The following ZNF234 variants were observed in gnomAD, a reference collection of about 807,000 sequenced individuals.
ZNF234 encodes C2-H2 type zinc finger protein.
ZNF234 carries 4 observed loss-of-function variants against 10.3 expected under a neutral mutation model. The ratio of observed to expected loss-of-function variants is 0.39; its 90% CI spans 0.19 to 0.89. The LOEUF (loss-of-function observed/expected upper bound fraction) is 0.89. Ranked by LOEUF, ZNF234 falls within the 40% of genes least tolerant of loss-of-function variation. ZNF234 has a pLI of 0.38. For missense variants in ZNF234, 711 were observed against 836.1 expected, an observed-to-expected ratio of 0.85 and a Z score of 1.85; for synonymous variants, 258 against 280.1, an observed-to-expected ratio of 0.92 and a Z score of 0.79.
At chr19:44,151,460 G>A (rs1439650031) in intron 5 of ZNF234, among the ~76,000 whole-genome samples, 1 of 152,164 alleles carries the variant, frequency 6.6e-6, no homozygotes, top group African/African-American at 2.4e-5. Context: ...GCCTCCCAAA[G>A]TGCTGGGATT....
At chr19:44,155,234 A>G (rs909658347) in intron 5 of ZNF234, among the ~76,000 whole-genome samples, 8 of 152,126 alleles carry the variant, frequency 5.3e-5, no homozygotes. Context: ...GATTAAGTGT[A>G]TATGTTATGC....
Position 44,159,877 on chromosome 19 carries a change from C to T in ZNF234, c.*1758C>T, listed in dbSNP as rs1300239386. 5.8e-6 allele frequency: 1 copy of T among 171,020 alleles called. No homozygotes were observed. The highest frequency in any genetic ancestry group is 2.4e-5 in the African/African-American group (1 of 42,186). 10.6% of individuals were successfully genotyped at this position (171,020 alleles called of 1,614,324 possible). ...GGTGAAACCCCATCTCTACTAAATA[C>T]AAAAATTAGCTGGGCATGGTGGCAG... On this transcript the variant is annotated 3_prime_UTR_variant, in exon 6 of 6. Coordinates refer to ENST00000426739, the MANE Select transcript of ZNF234 (RefSeq NM_006630.3).
chr19:44,150,722 TGTAA>T (rs930041839), intron 5 of ZNF234, among the ~76,000 whole-genome samples: 15 of 152,130 alleles, frequency 9.9e-5, no homozygotes, highest in African/African-American at 3.4e-4. Context: ...CCTTTGGAAA[TGTAA>T]GTCAGATTGC....
At position 44,141,722 on chromosome 19, in the gene ZNF234, G is replaced by T; in HGVS notation, c.-142G>T. 6.6e-6 allele frequency: 1 copy of T among 152,634 alleles called. No individual in the cohort carries two copies. Among genetic ancestry groups the T allele is most frequent in the South Asian group, 2.0e-4 (1 of 4,896 alleles). 9.5% of individuals were successfully genotyped at this position (152,634 alleles called of 1,614,324 possible). A position where few individuals can be genotyped will look rare whatever the true frequency, so the allele number is the denominator to read the frequency against. ...CCGGTTATGGGAAAAGAAGCCTCGTGGGAGAGCAGAGGTTTGGTGGGGCGA... is the reference window on the plus strand; with the variant it reads ...CCGGTTATGGGAAAAGAAGCCTCGTTGGAGAGCAGAGGTTTGGTGGGGCGA... On this transcript the variant is annotated 5_prime_UTR_variant, in exon 1 of 6. Transcript: ENST00000426739. This position sits in a 1 kb window ranked among gnomAD's most constrained non-coding sequence, Gnocchi z 4.6.
At chr19:44,142,126 A>G (rs1439895481) in intron 1 of ZNF234, 188 bp from the exon 2 acceptor site, 1 of 152,306 alleles carries the variant, frequency 6.6e-6, no homozygotes, top group African/African-American at 2.4e-5. Flanking sequence ...GTGGGGTCAG[A>G]GCTCCAGCAG....
In ZNF234 at chr19:44,156,264, A is replaced by G. The variant is rs200302391; in HGVS notation, c.248A>G (p.Gln83Arg). ...TCTGTCCTTACAGCAGACAAGATCC[A>G]AAGTGAGGTGGAGACTGTTCCAGAA... Reference protein sequence around the residue: ...QRKGKSADKIQSEVETVPEAG... With the variant: ...QRKGKSADKIRSEVETVPEAG... The change falls in exon 6 of 6, where the codon CAA becomes CGA. Residue 83 changes from glutamine to arginine, a missense_variant. Coordinates refer to ENST00000426739, the MANE Select transcript of ZNF234 (RefSeq NM_006630.3). 2.6e-4 allele frequency: 406 copies of G among 1,550,694 alleles called. No homozygotes were observed. Among genetic ancestry groups the G allele is most frequent in the South Asian group, 6.7e-4 (53 of 78,522 alleles).
chr19:44,152,494 G>A (rs773080545), intron 5 of ZNF234, among the ~76,000 whole-genome samples: 1 of 152,066 alleles, frequency 6.6e-6, no homozygotes, highest in Non-Finnish European at 1.5e-5. Flanking sequence ...TCTGCCTTAG[G>A]TGCCCTTCAC....
In ZNF234 at chr19:44,158,056, T is replaced by A. The variant is rs1369535326; in HGVS notation, c.2040T>A (p.Tyr680Ter). 3 of 1,612,410 alleles carry A rather than the reference T, an allele frequency of 1.9e-6. No individual in the cohort carries two copies. In the East Asian group the frequency reaches 6.7e-5, roughly 36 times the overall value. ...AAATTCATGCTGCTGGTACATTTTA[T>A]GAAAATGATGAGAATAGTAAGAACA... ...HHKIHAAGTFYENDENSKNIR... is the reference protein window; with the variant it reads ...HHKIHAAGTF Residue 680 changes from tyrosine to a stop codon, truncating the protein, a stop_gained, in exon 6 of 6, where the codon TAT (tyrosine) becomes TAA (stop). Coordinates refer to ENST00000426739, the MANE Select transcript of ZNF234 (RefSeq NM_006630.3). LOFTEE classifies it low-confidence loss of function (END_TRUNC).
intron 2 of ZNF234, among the ~76,000 whole-genome samples, chr19:44,143,772 A>T (rs1968527404): frequency 6.6e-6 from 1 of 152,180 alleles, no homozygotes; most frequent in African/African-American, 2.4e-5. Context: ...AGATTGCACC[A>T]CTGCTCTCCA....
At position 44,157,723 on chromosome 19, in the gene ZNF234, A is replaced by C; in HGVS notation, c.1707A>C (p.Lys569Asn). The change falls in exon 6 of 6, where the codon AAA (lysine) becomes AAC (asparagine). Residue 569 changes from lysine (K) to asparagine (N), a missense_variant. Transcript: ENST00000426739. ...TCCACACTGGAGAAAAGCCATACAA[A>C]TGTGGGGAGTGTGGAAAGGGCTTCA... ...QKVHTGEKPY[K>N]CGECGKGFKW... 1 of 1,614,066 alleles carries C rather than the reference A, an allele frequency of 6.2e-7. No individual in the cohort carries two copies. Among genetic ancestry groups the C allele is most frequent in the Non-Finnish European group, 8.5e-7 (1 of 1,180,008 alleles).
chr19:44,157,222 C>G lies in ZNF234; in HGVS notation c.1206C>G (p.Cys402Trp), dbSNP rs1045342875. The G allele has an allele frequency of 6.2e-7, 1 of 1,613,808 alleles. No individual in the cohort carries two copies. The highest frequency in any genetic ancestry group is 1.3e-5 in the African/African-American group (1 of 74,852). The change falls in exon 6 of 6, where the codon TGC becomes TGG. Residue 402 changes from cysteine to tryptophan, a missense_variant. Coordinates refer to ENST00000426739, the MANE Select transcript of ZNF234 (RefSeq NM_006630.3). Reference sequence around the variant, plus strand: ...ACACTGGAGAGAAGCCATACAAATGCAATGAGTGTGGGAAGAGCTTCAGAA... The same window carrying G: ...ACACTGGAGAGAAGCCATACAAATGGAATGAGTGTGGGAAGAGCTTCAGAA... The part of the protein sequence containing the change: ...GVHTGEKPYK[C>W]NECGKSFRMK...
intron 3 of ZNF234, 134 bp from the exon 4 acceptor site, chr19:44,148,637 A>G (rs1968659524): frequency 8.1e-7 from 1 of 1,241,428 alleles, no homozygotes; most frequent in African/African-American, 1.5e-5. Context: ...TGGAAGGAGA[A>G]GGGCTGAGAA....
chr19:44,157,044 C>T lies in ZNF234; in HGVS notation c.1028C>T (p.Pro343Leu), dbSNP rs1336586890. Reference sequence around the variant, plus strand: ...CAAAGGGTCCACACAGGAGAGAAACCTTACAAGTGTGAAGAATGTGGTAAG... The same window carrying T: ...CAAAGGGTCCACACAGGAGAGAAACTTTACAAGTGTGAAGAATGTGGTAAG... ...IHQRVHTGEK[P>L]YKCEECGKCF... The change falls in exon 6 of 6, where the codon CCT (proline) becomes CTT (leucine). Residue 343 changes from proline (P) to leucine (L), a missense_variant. Transcript: ENST00000426739. 1.2e-6 allele frequency: 2 copies of T among 1,614,162 alleles called. No homozygotes were observed. The highest frequency in any genetic ancestry group is 1.1e-5 in the South Asian group (1 of 91,086).
chr19:44,150,620 C>A, intron 5 of ZNF234, 115 bp downstream of exon 5: 2 of 763,640 alleles, frequency 2.6e-6, no homozygotes, highest in Non-Finnish European at 2.1e-6. Flanking sequence ...TGGATGATTG[C>A]AACAGCCTTC....
chr19:44,144,526 G>A lies in ZNF234; in HGVS notation c.-76-31G>A, dbSNP rs1021635473. 9.6e-6 allele frequency: 10 copies of A among 1,045,596 alleles called. No homozygotes were observed. In the East Asian group the frequency reaches 1.3e-4, roughly 14 times the overall value. 64.8% of individuals were successfully genotyped at this position (1,045,596 alleles called of 1,614,324 possible). On this transcript the variant is annotated intron_variant, in intron 2 of 5. Transcript: ENST00000426739. ...TGTTGGTGGGGACATCCCTGGCCAC[G>A]CTTTCATGTCTCTTTTTGTGTCTTC...
At position 44,150,502 on chromosome 19, in the gene ZNF234, TC is replaced by T. The variant is rs1968714102; in HGVS notation, c.233del (p.Ser78Ter). The T allele has an allele frequency of 6.3e-7, 1 of 1,578,082 alleles. No homozygotes were observed. The highest frequency in any genetic ancestry group is 1.7e-4 in the Middle Eastern group (1 of 6,008). ...MKTATQRKGK[S>X]ADKIQSEVET... ...GACAGCAACTCAAAGAAAAGGGAAATCAGGTAAGAACCAAGCAGCTAAGAGT... is the reference window on the plus strand; with the variant it reads ...GACAGCAACTCAAAGAAAAGGGAAATAGGTAAGAACCAAGCAGCTAAGAGT... On this transcript the variant is annotated frameshift_variant and splice_region_variant, in exon 5 of 6. Coordinates refer to ENST00000426739, the MANE Select transcript of ZNF234 (RefSeq NM_006630.3). LOFTEE classifies it low-confidence loss of function (END_TRUNC).
intron 2 of ZNF234, among the ~76,000 whole-genome samples, chr19:44,142,891 C>T (rs1363015773): frequency 6.6e-6 from 1 of 152,112 alleles, no homozygotes; most frequent in Non-Finnish European, 1.5e-5. Context: ...ATTTCTAATG[C>T]ATTTTGTTTT....
intron 5 of ZNF234, among the ~76,000 whole-genome samples, chr19:44,154,632 T>C (rs946305804): frequency 1.5e-5 from 1 of 64,866 alleles, no homozygotes; most frequent in Non-Finnish European, 2.7e-5. Flanking sequence ...CTTTTTCTTT[T>C]TTTTTTTTTT....
At chr19:44,154,344 A>G (rs995485953) in intron 5 of ZNF234, among the ~76,000 whole-genome samples, 3 of 151,232 alleles carry the variant, frequency 2.0e-5, no homozygotes, top group Non-Finnish European at 4.4e-5. Flanking sequence ...AATTACTGTC[A>G]GCTTTTAGAA....
Sources: gnomAD v4.1 joint callset for allele counts (sites outside exome capture counted in the v4.1 genomes callset) on GRCh38, gnomAD v4.1.1 for gene constraint, Gnocchi (gnomAD v3.1) non-coding constraint, MANE v1.5 for transcripts, NCBI Gene and HGNC (gene_info 2026-07-23, HGNC 2026-07-21) for gene names.